The following ZMYM5 variants were observed in gnomAD, a reference collection of about 807,000 sequenced individuals.
ZMYM5 encodes zinc finger MYM-type protein 5.
Under a neutral mutation model 61.8 loss-of-function variants are expected in ZMYM5, and 41 were observed. The ratio of observed to expected loss-of-function variants is 0.66; its 90% CI spans 0.52 to 0.86. ZMYM5 has a LOEUF of 0.86. Ranked by LOEUF, ZMYM5 falls within the 40% of genes least tolerant of loss-of-function variation. The pLI, the probability that ZMYM5 is intolerant of heterozygous loss-of-function variation, is 0.00. For synonymous variants in ZMYM5, 257 were observed against 276.4 expected (o/e 0.93, Z 0.70); for missense variants, 706 against 786.7 (o/e 0.90, Z 1.23).
intron 4 of ZMYM5, among the ~76,000 whole-genome samples, chr13:19,847,949 G>A (rs1055778225): frequency 1.3e-5 from 2 of 149,900 alleles, no homozygotes; most frequent in Non-Finnish European, 3.0e-5. Flanking sequence ...CACTGCGCCC[G>A]GACTAGTTTT....
Position 19,851,480 on chromosome 13 carries a change from A to G in ZMYM5, c.493-32T>C, listed in dbSNP as rs1000579308. 6 of 1,607,006 alleles carry G rather than the reference A, an allele frequency of 3.7e-6. No individual in the cohort carries two copies. The African/African-American group carries it at 8.0e-5, about 21-fold the overall frequency. The stretch of plus-strand genomic sequence containing the variant: ...AGTTAAAGATGGGGTGTACGTTTGT[A>G]TATTAACACCAAAATTACTTGACTG... On this transcript the variant is annotated intron_variant, in intron 3 of 7. Transcript: ENST00000337963.
Position 19,852,248 on chromosome 13 carries a change from C to A in ZMYM5, c.-10-58G>T, listed in dbSNP as rs1027705312. On this transcript the variant is annotated intron_variant, in intron 2 of 7. Coordinates refer to ENST00000337963, the MANE Select transcript of ZMYM5 (RefSeq NM_001142684.2). ...AGTATGTTATGGTTTTTGCATTTTA[C>A]TACAATAAAATAGCACAAGCAAATT... is the stretch of plus-strand genomic sequence containing the variant. 2.1e-6 allele frequency: 3 copies of A among 1,450,584 alleles called. No homozygotes were observed. In the Middle Eastern group the frequency reaches 5.6e-4, roughly 273 times the overall value. The allele number at this position is 1,450,584 out of a possible 1,614,324, so 89.9% of individuals were successfully genotyped here. A position where few individuals can be genotyped will look rare whatever the true frequency, so the allele number is the denominator to read the frequency against.
At chr13:19,850,601 C>CAAAT (rs369546833) in intron 4 of ZMYM5, among the ~76,000 whole-genome samples, 1,876 of 151,190 alleles carry the variant, frequency 0.012, 11 homozygotes, top group East Asian at 0.032. Context: ...AACTCTGTCT[C>CAAAT]AAATAAATAA....
intron 7 of ZMYM5, among the ~76,000 whole-genome samples, chr13:19,828,655 T>C (rs1272760318): frequency 6.6e-6 from 1 of 152,092 alleles, no homozygotes; most frequent in African/African-American, 2.4e-5. Context: ...TGGCAAAAGA[T>C]GATGTTAGCT....
At chr13:19,854,586 C>T (rs1444341274) in intron 2 of ZMYM5, among the ~76,000 whole-genome samples, 1 of 148,958 alleles carries the variant, frequency 6.7e-6, no homozygotes, top group Non-Finnish European at 1.5e-5. Flanking sequence ...TGAGATTGTG[C>T]CACTGCACTC....
chr13:19,860,935 CGTGT>C (rs10690639), intron 2 of ZMYM5, among the ~76,000 whole-genome samples: 6,311 of 136,790 alleles, frequency 0.046, 191 homozygotes, highest in African/African-American at 0.095. Context: ...TATATGCGCA[CGTGT>C]GTGTGTGTGT....
chr13:19,854,627 C>CAAA (rs58132634), intron 2 of ZMYM5, among the ~76,000 whole-genome samples: 14 of 123,778 alleles, frequency 1.1e-4, no homozygotes, highest in South Asian at 2.7e-4. Flanking sequence ...GACTTCGTCT[C>CAAA]AAAAAAAAAA....
chr13:19,852,968 C>T (rs1487649030), intron 2 of ZMYM5, among the ~76,000 whole-genome samples: 1 of 152,180 alleles, frequency 6.6e-6, no homozygotes, highest in Non-Finnish European at 1.5e-5. Flanking sequence ...CCACCTCAGC[C>T]TCCCAAGTAG....
intron 4 of ZMYM5, among the ~76,000 whole-genome samples, chr13:19,848,240 C>A (rs1024968823): frequency 6.6e-5 from 10 of 151,924 alleles, no homozygotes; most frequent in African/African-American, 2.4e-4. Context: ...CAGCCTTGGC[C>A]TCTGAAAATG....
chr13:19,858,959 C>T (rs1208209815), intron 2 of ZMYM5, among the ~76,000 whole-genome samples: 1 of 152,018 alleles, frequency 6.6e-6, no homozygotes, highest in Non-Finnish European at 1.5e-5. Flanking sequence ...AAAATTTTTT[C>T]TTTGATAAGA....
intron 2 of ZMYM5, among the ~76,000 whole-genome samples, chr13:19,856,645 GAA>G (rs111627893): frequency 2.2e-5 from 3 of 139,476 alleles, no homozygotes; most frequent in Admixed American, 7.3e-5. Flanking sequence ...TGTCTCAGAA[GAA>G]AAAAAAAAAA....
At chr13:19,834,875 C>T (rs1952625702) in intron 7 of ZMYM5, among the ~76,000 whole-genome samples, 1 of 151,786 alleles carries the variant, frequency 6.6e-6, no homozygotes, top group Admixed American at 6.6e-5. Flanking sequence ...TTTTAGTAGA[C>T]AGGGGGTTTT....
At chr13:19,847,767 GCTGGGA>G (rs1953130887) in intron 4 of ZMYM5, among the ~76,000 whole-genome samples, 2 of 142,458 alleles carry the variant, frequency 1.4e-5, no homozygotes, top group Admixed American at 1.4e-4. Flanking sequence ...CTCCCGAGTA[GCTGGGA>G]CTACAGGCAC....
At chr13:19,840,781 A>G (rs1555260862) in intron 4 of ZMYM5, among the ~76,000 whole-genome samples, 1 of 151,682 alleles carries the variant, frequency 6.6e-6, no homozygotes, top group African/African-American at 2.4e-5. Context: ...GGTTCATGCC[A>G]TTCTCCTACC....
intron 7 of ZMYM5, among the ~76,000 whole-genome samples, chr13:19,828,106 T>C (rs949883850): frequency 2.0e-5 from 3 of 150,622 alleles, no homozygotes; most frequent in African/African-American, 4.9e-5. Flanking sequence ...CCATATGCAA[T>C]GCAGTGAAAG....
chr13:19,853,575 G>C (rs1167056273), intron 2 of ZMYM5, among the ~76,000 whole-genome samples: 1 of 151,134 alleles, frequency 6.6e-6, no homozygotes, highest in Non-Finnish European at 1.5e-5. Flanking sequence ...TTACAGGAAT[G>C]AGCCACCACA....
intron 4 of ZMYM5, among the ~76,000 whole-genome samples, chr13:19,843,147 A>G (rs1357710248): frequency 4.0e-5 from 6 of 149,628 alleles, no homozygotes; most frequent in African/African-American, 1.2e-4. Context: ...CTTTTTTGAG[A>G]TAGAGTCTCA....
At chr13:19,855,948 G>A (rs939729633) in intron 2 of ZMYM5, among the ~76,000 whole-genome samples, 5 of 151,576 alleles carry the variant, frequency 3.3e-5, no homozygotes, top group Non-Finnish European at 4.4e-5. Context: ...CCCAGGAGGC[G>A]GAGCTTGCAA....
At chr13:19,850,995 G>T (rs1228504820) in intron 4 of ZMYM5, among the ~76,000 whole-genome samples, 2 of 152,170 alleles carry the variant, frequency 1.3e-5, no homozygotes, top group African/African-American at 4.8e-5. Context: ...GATCACTTGA[G>T]GTTAGGAGTT....
Sources: gnomAD v4.1 joint callset for allele counts (sites outside exome capture counted in the v4.1 genomes callset) on GRCh38, gnomAD v4.1.1 for gene constraint, MANE v1.5 for transcripts, NCBI Gene and HGNC (gene_info 2026-07-23, HGNC 2026-07-21) for gene names.